Variants in CELF4 observed in about 807,000 individuals in gnomAD.
The protein encoded by CELF4 is CUG-BP- and ETR-3-like factor 4.
A neutral mutation model predicts 59.9 loss-of-function variants in CELF4; 18 were observed. The observed-to-expected ratio is 0.30, with a 90% CI of 0.21 to 0.45. CELF4 has a LOEUF of 0.45. Among genes scored for constraint, CELF4 ranks in the 20% least tolerant of loss-of-function variants. The probability of loss-of-function intolerance (pLI) is 1.00; values close to 1 mark genes in which losing one functional copy is unlikely to be tolerated. For missense variants in CELF4, 456 were observed against 689.0 expected (o/e 0.66, Z 3.79); for synonymous variants, 261 against 267.1 (o/e 0.98, Z 0.22).
At chr18:37,298,822 GC>G (rs2095832218) in intron 3 of CELF4, among the ~76,000 whole-genome samples, 1 of 151,478 alleles carries the variant, frequency 6.6e-6, no homozygotes, top group Admixed American at 6.6e-5. Flanking sequence ...TCCCAGTTCC[GC>G]TCCAGCCAAG....
intron 9 of CELF4, among the ~76,000 whole-genome samples, chr18:37,265,960 T>A (rs542921602): frequency 6.6e-6 from 1 of 152,252 alleles, no homozygotes; most frequent in African/African-American, 2.4e-5. Context: ...CGGCTTAGGC[T>A]CAGTGACCCC....
chr18:37,482,156 C>T (rs757841645), intron 2 of CELF4, among the ~76,000 whole-genome samples: 7 of 152,190 alleles, frequency 4.6e-5, no homozygotes, highest in Admixed American at 2.0e-4. Context: ...CAACTCCAAG[C>T]GGGGAGGTGG....
At chr18:37,464,971 G>C (rs1006543530) in intron 2 of CELF4, among the ~76,000 whole-genome samples, 1 of 152,142 alleles carries the variant, frequency 6.6e-6, no homozygotes, top group Non-Finnish European at 1.5e-5. Flanking sequence ...GACTCCTCAG[G>C]ATGCTGCCAT....
At chr18:37,305,529 A>G (rs1159588955) in intron 3 of CELF4, 1 of 152,432 alleles carries the variant, frequency 6.6e-6, no homozygotes, top group Non-Finnish European at 1.5e-5. Context: ...GTACTCTGCT[A>G]TCCCCTCCAG....
intron 3 of CELF4, among the ~76,000 whole-genome samples, chr18:37,288,757 G>C (rs2095063225): frequency 6.6e-6 from 1 of 152,128 alleles, no homozygotes; most frequent in South Asian, 2.1e-4. Flanking sequence ...GATTGTGAGG[G>C]GGAGAGTTTG....
rs150101289 is a variant in CELF4, at chr18:37,466,806, G to A, written c.369+18719C>T. Among the ~76,000 whole-genome samples, 1,083 of 152,296 alleles carry A rather than the reference G, an allele frequency of 7.1e-3. 6 individuals are homozygous for A. The highest frequency in any genetic ancestry group is 9.4e-3 in the Non-Finnish European group (641 of 68,024). On this transcript the variant is annotated intron_variant, in intron 2 of 12. Transcript: ENST00000420428. ...CATCTTATCCAGCCTTATCCAGATT[G>A]GGGAAGGCTCCCTGGAGAAGGTGGC...
intron 2 of CELF4, among the ~76,000 whole-genome samples, chr18:37,469,468 G>A (rs902688952): frequency 5.3e-5 from 8 of 152,152 alleles, no homozygotes; most frequent in South Asian, 2.1e-4. Flanking sequence ...CAGCAGACCC[G>A]CTGAGTTAGA....
intron 2 of CELF4, among the ~76,000 whole-genome samples, chr18:37,423,026 A>G (rs966624541): frequency 6.6e-6 from 1 of 151,852 alleles, no homozygotes; most frequent in Non-Finnish European, 1.5e-5. Context: ...GTGCCTAAAC[A>G]TTGTGCAGGT....
chr18:37,275,020 G>T, intron 4 of CELF4, 95 bp downstream of exon 4: 3 of 1,549,228 alleles, frequency 1.9e-6, no homozygotes, highest in South Asian at 1.2e-5. Flanking sequence ...CCCAGAGACA[G>T]ACGGCGATGG....
chr18:37,267,457 A>C (rs2078208205), intron 8 of CELF4, among the ~76,000 whole-genome samples: 1 of 152,150 alleles, frequency 6.6e-6, no homozygotes. Context: ...GGTTTTGGCG[A>C]CCAAGGCTGG....
At chr18:37,323,113 G>A (rs1322426849) in intron 2 of CELF4, among the ~76,000 whole-genome samples, 2 of 152,154 alleles carry the variant, frequency 1.3e-5, no homozygotes, top group African/African-American at 4.8e-5. Flanking sequence ...AGGACAACTG[G>A]GTGGGGGAGT....
intron 2 of CELF4, among the ~76,000 whole-genome samples, chr18:37,358,487 A>T (rs1187607820): frequency 6.6e-6 from 1 of 152,176 alleles, no homozygotes; most frequent in Non-Finnish European, 1.5e-5. Flanking sequence ...AAACGGACTA[A>T]TACAGAGGAT....
At chr18:37,401,949 C>T (rs569510822) in intron 2 of CELF4, among the ~76,000 whole-genome samples, 76 of 152,324 alleles carry the variant, frequency 5.0e-4, no homozygotes, top group African/African-American at 1.8e-3. Flanking sequence ...TATTCAGGTG[C>T]ATCACTCTCT....
chr18:37,498,505 G>A (rs1291444072), intron 1 of CELF4, among the ~76,000 whole-genome samples: 7 of 131,894 alleles, frequency 5.3e-5, no homozygotes, highest in Non-Finnish European at 9.3e-5. Flanking sequence ...TCCATTGCCT[G>A]ACTCCTCCCT....
chr18:37,310,961 C>T (rs550247428), intron 3 of CELF4, among the ~76,000 whole-genome samples: 29 of 152,262 alleles, frequency 1.9e-4, no homozygotes, highest in Non-Finnish European at 3.5e-4. Flanking sequence ...ACGAGAAGGC[C>T]GTGGTGCCTT....
At chr18:37,365,790 A>G (rs2098773191) in intron 2 of CELF4, among the ~76,000 whole-genome samples, 1 of 152,064 alleles carries the variant, frequency 6.6e-6, no homozygotes, top group African/African-American at 2.4e-5. Context: ...CCGGCCTGGG[A>G]TGGGGCAAAT....
intron 1 of CELF4, among the ~76,000 whole-genome samples, chr18:37,552,160 G>A (rs1022758707): frequency 9.2e-5 from 14 of 152,278 alleles, no homozygotes; most frequent in African/African-American, 2.9e-4. Flanking sequence ...GTATTTACAC[G>A]GGACAGTTTT....
At chr18:37,399,621 G>A (rs1227530837) in intron 2 of CELF4, among the ~76,000 whole-genome samples, 2 of 152,162 alleles carry the variant, frequency 1.3e-5, no homozygotes, top group Non-Finnish European at 2.9e-5. Context: ...GAAACACAAA[G>A]TGCCTGAGAT....
At chr18:37,414,503 C>CTTT (rs55943928) in intron 2 of CELF4, among the ~76,000 whole-genome samples, 52,754 of 115,950 alleles carry the variant, frequency 0.45, 13,990 homozygotes, top group South Asian at 0.69. Flanking sequence ...CTTTTCTTTT[C>CTTT]TTTTTTTTTT....
Sources: allele counts gnomAD v4.1 joint callset (sites outside exome capture counted in the v4.1 genomes callset), GRCh38; gene constraint gnomAD v4.1.1; transcripts MANE v1.5; gene names NCBI Gene and HGNC (gene_info 2026-07-23, HGNC 2026-07-21).